EXOC4: variants seen among roughly 807,000 people sequenced by gnomAD.
EXOC4 encodes the protein exocyst complex component 4, also known as SEC8-like 1.
Under a neutral mutation model 107.2 loss-of-function variants are expected in EXOC4, and 71 were observed. That is an observed-to-expected ratio of 0.66 (90% CI 0.55 to 0.81). The LOEUF is 0.81. Ranked by LOEUF, EXOC4 falls within the 30% of genes least tolerant of loss-of-function variation. The probability of loss-of-function intolerance (pLI) is 0.00; values close to 1 mark genes in which losing one functional copy is unlikely to be tolerated. For synonymous variants in EXOC4, 456 were observed against 441.2 expected (o/e 1.03, Z -0.42); for missense variants, 1,108 against 1,189.6 (o/e 0.93, Z 1.01).
intron 7 of EXOC4, among the ~76,000 whole-genome samples, chr7:133,380,330 T>G (rs1796588633): frequency 6.6e-6 from 1 of 152,026 alleles, no homozygotes; most frequent in East Asian, 1.9e-4. Flanking sequence ...AGTTACGGAA[T>G]GAGTTGTTTA....
At chr7:133,598,736 C>T (rs1320129469) in intron 9 of EXOC4, among the ~76,000 whole-genome samples, 1 of 152,100 alleles carries the variant, frequency 6.6e-6, no homozygotes, top group South Asian at 2.1e-4. Flanking sequence ...GTAATCCCAG[C>T]ACTGGGAGGC....
At chr7:133,710,165 T>C (rs1241394293) in intron 10 of EXOC4, among the ~76,000 whole-genome samples, 1 of 152,110 alleles carries the variant, frequency 6.6e-6, no homozygotes, top group Non-Finnish European at 1.5e-5. Context: ...GAAGCAGCAA[T>C]GGTGATAGTC....
At chr7:133,273,206 A>G (rs1050676335) in intron 1 of EXOC4, among the ~76,000 whole-genome samples, 1 of 152,264 alleles carries the variant, frequency 6.6e-6, no homozygotes, top group Non-Finnish European at 1.5e-5. Context: ...TCATTAAAAC[A>G]ACAAGAAGAC....
rs12670756 is a variant in EXOC4, at chr7:133,574,629, T to A, written c.1418-55416T>A. On this transcript the variant is annotated intron_variant, in intron 9 of 17. Coordinates refer to ENST00000253861, the MANE Select transcript of EXOC4 (RefSeq NM_021807.4). ...GCTGCCTTGACCCTGAAGTATCTGTTCTTTACACGAATGAAGAATGAAGCT... is the reference window on the plus strand; with the variant it reads ...GCTGCCTTGACCCTGAAGTATCTGTACTTTACACGAATGAAGAATGAAGCT... Among the ~76,000 whole-genome samples the A allele has an allele frequency of 2.0e-5, 3 of 152,328 alleles. No homozygotes were observed. In the East Asian group the frequency reaches 5.8e-4, roughly 29 times the overall value.
intron 10 of EXOC4, among the ~76,000 whole-genome samples, chr7:133,755,466 C>T (rs1331526058): frequency 6.7e-6 from 1 of 148,864 alleles, no homozygotes; most frequent in African/African-American, 2.5e-5. Flanking sequence ...GCCTCAGCCT[C>T]CCAAGTAGTT....
chr7:133,909,346 G>C (rs1799637389), intron 12 of EXOC4, among the ~76,000 whole-genome samples: 1 of 152,252 alleles, frequency 6.6e-6, no homozygotes, highest in South Asian at 2.1e-4. Flanking sequence ...TCATTAATAA[G>C]GATGATGTGA....
chr7:133,802,254 T>C (rs1316501404), intron 10 of EXOC4, among the ~76,000 whole-genome samples: 5 of 152,156 alleles, frequency 3.3e-5, no homozygotes, highest in African/African-American at 1.2e-4. Context: ...TCCTCACATG[T>C]AAAATGGAAA....
chr7:133,763,005 CT>C (rs1488851345), intron 10 of EXOC4, among the ~76,000 whole-genome samples: 2 of 152,224 alleles, frequency 1.3e-5, no homozygotes, highest in African/African-American at 4.8e-5. Flanking sequence ...AGTCAATATG[CT>C]CCCTGGCCAA....
intron 10 of EXOC4, among the ~76,000 whole-genome samples, chr7:133,778,314 G>T (rs1796388440): frequency 6.6e-6 from 1 of 152,208 alleles, no homozygotes. Flanking sequence ...GACTTCTCGG[G>T]TCAGGCATGG....
chr7:133,725,208 T>C (rs1795188657), intron 10 of EXOC4, among the ~76,000 whole-genome samples: 1 of 152,196 alleles, frequency 6.6e-6, no homozygotes, highest in Admixed American at 6.5e-5. Flanking sequence ...AGCGTATTGG[T>C]CAGAAAAATT....
In EXOC4 at chr7:133,374,838, G is replaced by T; in HGVS notation, c.1018G>T (p.Glu340Ter). Residue 340 changes from glutamate (E) to a stop codon, truncating the protein, a stop_gained, in exon 7 of 18, where the codon GAA becomes TAA. Coordinates refer to ENST00000253861, the MANE Select transcript of EXOC4 (RefSeq NM_021807.4). LOFTEE classifies it high-confidence loss of function. ...TGTTTATGCCACTAGGTTGCTTCTA[G>T]AACTGCTGGAGTTACTGTTTGACAA... ...TVENQPRLLL[E>*]LLELLFDKFN... 2 of 1,612,922 alleles carry T rather than the reference G, an allele frequency of 1.2e-6. No individual in the cohort carries two copies. The highest frequency in any genetic ancestry group is 1.1e-5 in the South Asian group (1 of 90,956).
At chr7:133,923,008 A>G (rs1799972848) in intron 13 of EXOC4, among the ~76,000 whole-genome samples, 1 of 150,766 alleles carries the variant, frequency 6.6e-6, no homozygotes, top group African/African-American at 2.5e-5. Flanking sequence ...TGATAACCAT[A>G]TATGTGCATT....
At chr7:134,097,640 A>G in the EXOC4 span, among the ~76,000 whole-genome samples, 5 of 152,152 alleles carry the variant, frequency 3.3e-5, no homozygotes, top group Non-Finnish European at 5.9e-5. Flanking sequence ...CAACTAATCA[A>G]TCCCAAGGCT....
the EXOC4 span, among the ~76,000 whole-genome samples, chr7:134,083,090 T>G: frequency 6.6e-6 from 1 of 152,124 alleles, no homozygotes; most frequent in South Asian, 2.1e-4. Context: ...GTTTAGAAAT[T>G]TACATATCCG....
chr7:133,824,615 G>A (rs1797655011), intron 11 of EXOC4, among the ~76,000 whole-genome samples: 1 of 152,118 alleles, frequency 6.6e-6, no homozygotes, highest in African/African-American at 2.4e-5. Flanking sequence ...CGTAAACTTA[G>A]TGCCTTAAAA....
chr7:133,448,027 T>TA (rs1798257378), intron 7 of EXOC4, among the ~76,000 whole-genome samples: 1 of 152,252 alleles, frequency 6.6e-6, no homozygotes, highest in African/African-American at 2.4e-5. Flanking sequence ...GTTGAGCCAC[T>TA]ATTAGTAAAG....
At chr7:133,419,186 G>C (rs551518335) in intron 7 of EXOC4, among the ~76,000 whole-genome samples, 65 of 152,278 alleles carry the variant, frequency 4.3e-4, no homozygotes, top group African/African-American at 1.5e-3. Flanking sequence ...TTCAATTTGA[G>C]AGACATTAGA....
At chr7:133,635,575 A>G (rs1477262490) in intron 10 of EXOC4, among the ~76,000 whole-genome samples, 2 of 152,184 alleles carry the variant, frequency 1.3e-5, no homozygotes, top group Admixed American at 6.5e-5. Flanking sequence ...CCAATAAGGT[A>G]TATTGGTAGG....
intron 5 of EXOC4, among the ~76,000 whole-genome samples, chr7:133,324,190 T>C (rs1391043312): frequency 1.3e-5 from 2 of 152,058 alleles, no homozygotes; most frequent in African/African-American, 2.4e-5. Flanking sequence ...TTTTGAAGGG[T>C]TTTTTTGGTC....
Sources: gnomAD v4.1 joint callset for allele counts (sites outside exome capture counted in the v4.1 genomes callset) on GRCh38, gnomAD v4.1.1 for gene constraint, MANE v1.5 for transcripts, NCBI Gene and HGNC (gene_info 2026-07-23, HGNC 2026-07-21) for gene names.